RNGTT: variants seen among roughly 807,000 people sequenced by gnomAD.
RNGTT encodes the protein mRNA-capping enzyme.
In RNGTT, 33 loss-of-function variants were observed where a neutral mutation model predicts 79.3. The observed-to-expected ratio is 0.42, with a 90% CI of 0.32 to 0.56. RNGTT has a LOEUF of 0.56. Among genes scored for constraint, RNGTT ranks in the 20% least tolerant of loss-of-function variants. The probability of loss-of-function intolerance (pLI) is 0.17; values close to 1 mark genes in which losing one functional copy is unlikely to be tolerated. For synonymous variants in RNGTT, 222 were observed against 235.9 expected, an observed-to-expected ratio of 0.94 and a Z score of 0.54; for missense variants, 497 against 739.1, an observed-to-expected ratio of 0.67 and a Z score of 3.80.
chr6:88,635,819 T>C (rs1773078196), intron 14 of RNGTT, among the ~76,000 whole-genome samples: 1 of 151,916 alleles, frequency 6.6e-6, no homozygotes, highest in Non-Finnish European at 1.5e-5. Context: ...AATTCCAATT[T>C]ATTTTTGCTA....
At chr6:88,874,620 T>G (rs1334252038) in intron 8 of RNGTT, among the ~76,000 whole-genome samples, 1 of 151,588 alleles carries the variant, frequency 6.6e-6, no homozygotes. Flanking sequence ...TAAGAGTATG[T>G]GAGCAAATAA....
chr6:88,710,329 T>A (rs1028376692), intron 13 of RNGTT, among the ~76,000 whole-genome samples: 1 of 152,246 alleles, frequency 6.6e-6, no homozygotes, highest in African/African-American at 2.4e-5. Context: ...ATATACTGTA[T>A]GTTGTCTAGC....
chr6:88,830,965 C>A (rs993920391), intron 11 of RNGTT, among the ~76,000 whole-genome samples: 1 of 151,922 alleles, frequency 6.6e-6, no homozygotes, highest in East Asian at 1.9e-4. Flanking sequence ...CAACCAAAAA[C>A]AGCCCAGGAC....
intron 12 of RNGTT, among the ~76,000 whole-genome samples, chr6:88,774,227 C>T (rs982371738): frequency 2.6e-5 from 4 of 152,080 alleles, no homozygotes; most frequent in Non-Finnish European, 5.9e-5. Context: ...TGTTCACTAT[C>T]ATTAATCATT....
chr6:88,639,899 A>T (rs1478462663), intron 14 of RNGTT, among the ~76,000 whole-genome samples: 1 of 152,174 alleles, frequency 6.6e-6, no homozygotes, highest in Non-Finnish European at 1.5e-5. Flanking sequence ...AGAGAAAAAA[A>T]TAGTTTGCCC....
intron 14 of RNGTT, among the ~76,000 whole-genome samples, chr6:88,659,387 A>AT (rs1774098368): frequency 6.6e-6 from 1 of 152,216 alleles, no homozygotes; most frequent in Non-Finnish European, 1.5e-5. Flanking sequence ...ACTTAAAGAA[A>AT]TTTTTTAAAA....
chr6:88,689,808 A>C (rs1775415578), intron 13 of RNGTT, among the ~76,000 whole-genome samples: 1 of 151,996 alleles, frequency 6.6e-6, no homozygotes, highest in South Asian at 2.1e-4. Flanking sequence ...TAGAAAATGA[A>C]AGTTTAGTGA....
At chr6:88,701,981 C>CA (rs766080576) in intron 13 of RNGTT, among the ~76,000 whole-genome samples, 14 of 151,844 alleles carry the variant, frequency 9.2e-5, no homozygotes, top group East Asian at 1.9e-4. Flanking sequence ...AAAACACACA[C>CA]AAAAAAACCT....
chr6:88,865,196 T>C (rs1473675447), intron 8 of RNGTT, among the ~76,000 whole-genome samples: 3 of 152,050 alleles, frequency 2.0e-5, no homozygotes, highest in African/African-American at 4.8e-5. Flanking sequence ...GTATCAGCTA[T>C]TGTTATTATG....
chr6:88,917,799 A>G (rs980507193), intron 4 of RNGTT, among the ~76,000 whole-genome samples: 31 of 152,108 alleles, frequency 2.0e-4, no homozygotes, highest in African/African-American at 7.2e-4. Context: ...CGGCAGGAGA[A>G]TCGCGTGAGC....
chr6:88,668,336 G>A (rs1008997203), intron 14 of RNGTT, among the ~76,000 whole-genome samples: 8 of 152,136 alleles, frequency 5.3e-5, no homozygotes, highest in Non-Finnish European at 1.2e-4. Context: ...TCCCTACAAA[G>A]TGACTCTGAA....
intron 14 of RNGTT, among the ~76,000 whole-genome samples, chr6:88,668,183 T>C (rs577303778): frequency 1.6e-3 from 240 of 152,234 alleles, no homozygotes; most frequent in Non-Finnish European, 3.1e-3. Flanking sequence ...AGCCCCTTTG[T>C]GGCCACGGTG....
intron 13 of RNGTT, among the ~76,000 whole-genome samples, chr6:88,753,462 C>CCA (rs2127831555): frequency 6.6e-6 from 1 of 151,874 alleles, no homozygotes; most frequent in African/African-American, 2.4e-5. Context: ...TGTGTTCACA[C>CCA]CACTGCACTC....
intron 12 of RNGTT, among the ~76,000 whole-genome samples, chr6:88,793,440 T>G (rs1052922412): frequency 7.1e-4 from 108 of 152,292 alleles, no homozygotes; most frequent in African/African-American, 2.6e-3. Flanking sequence ...TAAAAATAAA[T>G]TAATACTTTT....
chr6:88,925,257 A>C (rs1000768565), intron 4 of RNGTT, among the ~76,000 whole-genome samples: 3 of 152,148 alleles, frequency 2.0e-5, no homozygotes, highest in African/African-American at 7.2e-5. Context: ...TTCCTTATCT[A>C]TAGTTCCCCA....
At chr6:88,927,845 A>G (rs893384883) in intron 4 of RNGTT, among the ~76,000 whole-genome samples, 14 of 151,652 alleles carry the variant, frequency 9.2e-5, no homozygotes, top group Admixed American at 2.0e-4. Context: ...AAAAAAAAAA[A>G]AAAGAAAGAA....
At chr6:88,866,827 T>C (rs569944858) in intron 8 of RNGTT, among the ~76,000 whole-genome samples, 1 of 152,352 alleles carries the variant, frequency 6.6e-6, no homozygotes, top group East Asian at 1.9e-4. Context: ...CTCTTGGTTT[T>C]AAGTATTTCC....
intron 14 of RNGTT, among the ~76,000 whole-genome samples, chr6:88,616,095 C>T (rs1772206828): frequency 6.6e-6 from 1 of 152,180 alleles, no homozygotes; most frequent in Non-Finnish European, 1.5e-5. Flanking sequence ...TTAACAGAAT[C>T]ACACACTATT....
intron 14 of RNGTT, among the ~76,000 whole-genome samples, chr6:88,670,193 C>A (rs1191322650): frequency 6.6e-6 from 1 of 152,174 alleles, no homozygotes; most frequent in Non-Finnish European, 1.5e-5. Context: ...ACAAAGCTAG[C>A]ACATATGCCT....
Sources: gnomAD v4.1 joint callset for allele counts (sites outside exome capture counted in the v4.1 genomes callset) on GRCh38, gnomAD v4.1.1 for gene constraint, MANE v1.5 for transcripts, NCBI Gene and HGNC (gene_info 2026-07-23, HGNC 2026-07-21) for gene names.